The following ANKRD36C variants were observed in gnomAD, a reference collection of about 807,000 sequenced individuals.
ANKRD36C encodes the protein ankyrin repeat domain 36C.
Under a neutral mutation model 276.4 loss-of-function variants are expected in ANKRD36C, and 61 were observed. The observed-to-expected ratio is 0.22, with a 90% CI of 0.18 to 0.27. The LOEUF is 0.27. Among genes scored for constraint, ANKRD36C ranks in the 10% least tolerant of loss-of-function variants. The pLI is 1.00. For synonymous variants in ANKRD36C, 483 were observed against 680.1 expected, an observed-to-expected ratio of 0.71 and a Z score of 4.51; for missense variants, 1,447 against 2,032.3, an observed-to-expected ratio of 0.71 and a Z score of 5.54.
intron 54 of ANKRD36C, 91 bp from the exon 75 acceptor site, chr2:95,882,588 T>C: frequency 6.8e-7 from 1 of 1,465,368 alleles, no homozygotes; most frequent in Non-Finnish European, 9.2e-7. Context: ...AGCTGTATCC[T>C]CCTGCCTGTA....
At chr2:95,875,787 T>C (rs1675938961) in intron 59 of ANKRD36C, among the ~76,000 whole-genome samples, 1 of 152,110 alleles carries the variant, frequency 6.6e-6, no homozygotes, top group African/African-American at 2.4e-5. Flanking sequence ...AGGCTTAAGT[T>C]CTAAGGTCTA....
intron 42 of ANKRD36C, among the ~76,000 whole-genome samples, chr2:95,909,166 G>C (rs1369069084): frequency 1.6e-5 from 2 of 122,872 alleles, no homozygotes; most frequent in Admixed American, 1.7e-4. Context: ...CAATTACGAC[G>C]ACAATTCAGT....
rs537581472 is a variant in ANKRD36C, at chr2:95,888,184, A to C, written c.2960-64T>G. On this transcript the variant is annotated intron_variant, in intron 48 of 66. Transcript: ENST00000456556. The stretch of plus-strand genomic sequence containing the variant: ...ATATGATAAAGTTATCCATACATTC[A>C]TGCACTGTTGGCATCAAGATGTATC... 60 of 1,590,228 alleles carry C rather than the reference A, an allele frequency of 3.8e-5. No homozygotes were observed. The African/African-American group carries it at 4.4e-4, about 12-fold the overall frequency.
chr2:95,867,726 T>C, intron 59 of ANKRD36C, 145 bp from the exon 80 acceptor site: 1 of 1,080,410 alleles, frequency 9.3e-7, no homozygotes, highest in South Asian at 1.6e-5. Context: ...CAATTTCCTT[T>C]ATGTTGACTC....
intron 61 of ANKRD36C, among the ~76,000 whole-genome samples, chr2:95,859,632 C>G (rs1675515357): frequency 6.6e-6 from 1 of 152,020 alleles, no homozygotes; most frequent in Non-Finnish European, 1.5e-5. Flanking sequence ...GGGTAAAATT[C>G]TATACAGCCA....
At chr2:95,910,825 T>C (rs1428600115) in intron 42 of ANKRD36C, among the ~76,000 whole-genome samples, 1 of 151,398 alleles carries the variant, frequency 6.6e-6, no homozygotes, top group Non-Finnish European at 1.5e-5. Flanking sequence ...TAAAACCGTG[T>C]CAATCTCAAC....
exon 63 of ANKRD36C, chr2:95,855,859 G>T (rs77216432): frequency 1.2e-6 from 2 of 1,613,742 alleles, no homozygotes; most frequent in Admixed American, 1.7e-5. Flanking sequence ...AGTCTACAAC[G>T]GTATGATTGC....
At position 95,884,203 on chromosome 2, in the gene ANKRD36C, C is replaced by A. The variant is rs1173748424; in HGVS notation, c.3235G>T (p.Glu1079Ter). 2 of 1,609,452 alleles carry A rather than the reference C, an allele frequency of 1.2e-6. No individual in the cohort carries two copies. Among genetic ancestry groups the A allele is most frequent in the East Asian group, 2.2e-5 (1 of 44,660 alleles). Residue 1079 changes from glutamate to a stop codon, truncating the protein, a stop_gained, in exon 54 of 67, where the codon GAA becomes TAA. Transcript: ENST00000456556. LOFTEE classifies it high-confidence loss of function. ...CCAGATTTTTCTCCATCCTTTATTT[C>A]TCTGGCTATATTCGAAACAGAATCT...
chr2:95,917,040 G>A (rs964996771), intron 36 of ANKRD36C, among the ~76,000 whole-genome samples: 1 of 151,552 alleles, frequency 6.6e-6, no homozygotes, highest in Non-Finnish European at 1.5e-5. Context: ...GTATCAGGTT[G>A]TTCTCTAAAG....
At position 95,902,746 on chromosome 2, in the gene ANKRD36C, A is replaced by G. The variant is rs1178971353; in HGVS notation, c.2654-3410T>C. On this transcript the variant is annotated intron_variant, in intron 42 of 66. Coordinates refer to ENST00000456556, the Ensembl canonical transcript of ANKRD36C. ...GACCAGCATCATCATCATCACCCACAAACTTATTTGAAATGAAGAATCTCA... is the reference window on the plus strand; with the variant it reads ...GACCAGCATCATCATCATCACCCACGAACTTATTTGAAATGAAGAATCTCA... 1.8e-4 allele frequency: 212 copies of G among 1,149,938 alleles called. 3 individuals carry two copies. The East Asian group carries it at 4.8e-3, about 26-fold the overall frequency. The allele number at this position is 1,149,938 out of a possible 1,614,324, so 71.2% of individuals were successfully genotyped here.
chr2:95,893,040 A>G (rs1161140612), intron 44 of ANKRD36C, among the ~76,000 whole-genome samples: 1 of 151,158 alleles, frequency 6.6e-6, no homozygotes, highest in Non-Finnish European at 1.5e-5. Context: ...CCAAAATTAT[A>G]TAAATGACTG....
chr2:95,870,140 T>C (rs1467349091), intron 59 of ANKRD36C, among the ~76,000 whole-genome samples: 1 of 152,206 alleles, frequency 6.6e-6, no homozygotes, highest in Non-Finnish European at 1.5e-5. Context: ...TGTCCCTGTC[T>C]GATAGCTTTG....
intron 32 of ANKRD36C, among the ~76,000 whole-genome samples, chr2:95,922,138 GA>G (rs1677289386): frequency 1.3e-5 from 2 of 151,724 alleles, no homozygotes; most frequent in East Asian, 2.0e-4. Context: ...AATCACCTGG[GA>G]AAATCTCAAA....
rs993957551 is a variant in ANKRD36C at position 95,958,242 on chromosome 2, C to A, written c.1105+349G>T. On this transcript the variant is annotated intron_variant, in intron 12 of 66. Coordinates refer to ENST00000456556, the Ensembl canonical transcript of ANKRD36C. ...CTCCGGTTTTAGCAATGTGATCAGG[C>A]GCCTACAATTTCTAGTACTTCATCT... Among the ~76,000 whole-genome samples the A allele has an allele frequency of 1.3e-5, 2 of 151,872 alleles. 1 individual carries two copies. Among genetic ancestry groups the A allele is most frequent in the Non-Finnish European group, 2.9e-5 (2 of 67,940 alleles).
intron 58 of ANKRD36C, among the ~76,000 whole-genome samples, chr2:95,879,371 A>C (rs1400743514): frequency 6.6e-6 from 1 of 151,984 alleles, no homozygotes; most frequent in African/African-American, 2.4e-5. Flanking sequence ...CAATGAATAA[A>C]ATGTAGCATT....
chr2:95,923,411 G>A (rs1246767982), intron 32 of ANKRD36C, 84 bp downstream of exon 32: 2 of 1,517,896 alleles, frequency 1.3e-6, no homozygotes, highest in Non-Finnish European at 1.8e-6. Flanking sequence ...CAGCTTTGAT[G>A]AGCCCCCCGC....
intron 8 of ANKRD36C, 35 bp from the exon 9 acceptor site, chr2:95,960,702 G>T (rs201688932): frequency 0.02 from 16,754 of 846,736 alleles, 1,144 homozygotes; most frequent in African/African-American, 0.2. Flanking sequence ...TCACTCATAT[G>T]TAAATATGAT....
intron 60 of ANKRD36C, among the ~76,000 whole-genome samples, chr2:95,861,342 A>G (rs1675576463): frequency 6.6e-6 from 1 of 152,114 alleles, no homozygotes; most frequent in Admixed American, 6.6e-5. Context: ...GAAACTTTCA[A>G]GCAGTTAATA....
At chr2:95,928,987 C>T (rs75927751) in intron 26 of ANKRD36C, 85 bp downstream of exon 26, 24 of 1,580,294 alleles carry the variant, frequency 1.5e-5, no homozygotes, top group African/African-American at 8.1e-5. Context: ...GCAGCTTAGA[C>T]GAACTCCCCA....
Sources: allele counts gnomAD v4.1 joint callset (sites outside exome capture counted in the v4.1 genomes callset), GRCh38; gene constraint gnomAD v4.1.1; transcripts MANE v1.5; gene names NCBI Gene and HGNC (gene_info 2026-07-23, HGNC 2026-07-21).